Variants in CMBL observed in about 807,000 individuals in gnomAD.
CMBL encodes the protein carboxymethylenebutenolidase homolog (Pseudomonas).
In CMBL, 17 loss-of-function variants were observed where a neutral mutation model predicts 28.7. The observed-to-expected ratio is 0.59, with a 90% CI of 0.41 to 0.89. The LOEUF is 0.89. Ranked by LOEUF, CMBL falls within the 40% of genes least tolerant of loss-of-function variation. The probability of loss-of-function intolerance (pLI) is 0.00; values close to 1 mark genes in which losing one functional copy is unlikely to be tolerated. For missense variants in CMBL, 310 were observed against 298.5 expected (o/e 1.04, Z -0.28); for synonymous variants, 106 against 101.6 (o/e 1.04, Z -0.26).
rs1399959353 is a variant in CMBL at position 10,278,089 on chromosome 5, G to A, written c.*2364C>T. On this transcript the variant is annotated 3_prime_UTR_variant, in exon 6 of 6. Transcript: ENST00000296658. Reference sequence around the variant, plus strand: ...TAAGTGTCCACAGTAGACCAGCCCTGCTCAGGCTTGGATTCTCTCAACATT... The same window carrying A: ...TAAGTGTCCACAGTAGACCAGCCCTACTCAGGCTTGGATTCTCTCAACATT... Among the ~76,000 whole-genome samples the A allele has an allele frequency of 6.6e-6, 1 of 152,128 alleles. No individual in the cohort carries two copies. The highest frequency in any genetic ancestry group is 1.9e-4 in the East Asian group (1 of 5,178).
At chr5:10,281,331 C>G (rs1193825843) in intron 5 of CMBL, among the ~76,000 whole-genome samples, 1 of 152,182 alleles carries the variant, frequency 6.6e-6, no homozygotes, top group African/African-American at 2.4e-5. Flanking sequence ...AATCTTCCTG[C>G]CTCAGGCTCC....
At position 10,280,628 on chromosome 5, in the gene CMBL, G is replaced by A. The variant is rs149368002; in HGVS notation, c.563C>T (p.Ser188Phe). 69 of 1,597,050 alleles carry A rather than the reference G, an allele frequency of 4.3e-5. No homozygotes were observed. Among genetic ancestry groups the A allele is most frequent in the Non-Finnish European group, 5.6e-5 (65 of 1,166,070 alleles). ...TTCTTTCAACTTCTGAGTCAGCAAA[G>A]ATACCTGGTGTGCAAAAGATTTCAT... is the stretch of plus-strand genomic sequence containing the variant. ...NDVVIPLKDV[S>F]LLTQKLKEHC... is the part of the protein sequence containing the mutation. Residue 188 changes from serine (S) to phenylalanine (F), a missense_variant, in exon 6 of 6, where the codon TCT becomes TTT. By Grantham distance (155) the Ser-to-Phe change is radical. Transcript: ENST00000296658.
At chr5:10,295,621 T>A (rs1746795967) in intron 1 of CMBL, among the ~76,000 whole-genome samples, 1 of 152,202 alleles carries the variant, frequency 6.6e-6, no homozygotes, top group African/African-American at 2.4e-5. Context: ...GTGCCTTATA[T>A]AAGGGGCCCA....
rs906760878 is a variant in CMBL, at chr5:10,289,512, G to A, written c.216-983C>T. Among the ~76,000 whole-genome samples the A allele has an allele frequency of 3.3e-5, 5 of 152,168 alleles. No homozygotes were observed. The highest frequency in any genetic ancestry group is 9.7e-5 in the African/African-American group (4 of 41,426). ...CAGTGATCTGGGGCAGCCGCAAAGC[G>A]CTCTCTTTATGGCCTGGTTTCCTAA... On this transcript the variant is annotated intron_variant, in intron 2 of 5. Transcript: ENST00000296658. This position sits in a 1 kb window ranked among gnomAD's most constrained non-coding sequence, Gnocchi z 4.3.
chr5:10,288,894 G>A (rs1746654689), intron 2 of CMBL, among the ~76,000 whole-genome samples: 1 of 152,210 alleles, frequency 6.6e-6, no homozygotes, highest in African/African-American at 2.4e-5. Flanking sequence ...GCCAGCCTGG[G>A]GAGACTCCTG....
chr5:10,283,438 A>G lies in CMBL; in HGVS notation c.467-1150T>C, dbSNP rs564461493. Among the ~76,000 whole-genome samples, 15 of 152,054 alleles carry G rather than the reference A, an allele frequency of 9.9e-5. No individual in the cohort carries two copies. The East Asian group carries it at 2.9e-3, about 29-fold the overall frequency. ...ACTCGCACCAGACCACGAGTGTGGA[A>G]GTGTGGAAGTGTGAAACTGCCTGGG... On this transcript the variant is annotated intron_variant, in intron 4 of 5. Transcript: ENST00000296658.
At chr5:10,290,214 T>A (rs1746682470) in intron 2 of CMBL, among the ~76,000 whole-genome samples, 1 of 152,118 alleles carries the variant, frequency 6.6e-6, no homozygotes, top group Admixed American at 6.5e-5. Flanking sequence ...GAGTCACGGG[T>A]CCATTTGACA....
intron 2 of CMBL, 178 bp downstream of exon 2, chr5:10,290,370 G>A (rs1746686369): frequency 6.5e-6 from 4 of 613,644 alleles, no homozygotes; most frequent in Non-Finnish European, 1.1e-5. Context: ...AGCACCAGGT[G>A]GGTGTTTAAT....
At position 10,280,541 on chromosome 5, in the gene CMBL, C is replaced by T. The variant is rs147855838; in HGVS notation, c.650G>A (p.Arg217Gln). 74 of 1,613,860 alleles carry T rather than the reference C, an allele frequency of 4.6e-5. No individual in the cohort carries two copies. In the Middle Eastern group the frequency reaches 6.6e-4, roughly 14 times the overall value. Residue 217 changes from arginine (R) to glutamine (Q), a missense_variant, in exon 6 of 6, where the codon CGG (arginine) becomes CAG (glutamine). Coordinates refer to ENST00000296658, the MANE Select transcript of CMBL (RefSeq NM_138809.4). ...FSGQTHGFVHRKREDCSPADK... is the reference protein window; with the variant it reads ...FSGQTHGFVHQKREDCSPADK... Reference sequence around the variant, plus strand: ...TGCAGGTGAGCAATCTTCTCTCTTCCGATGCACGAACCCATGAGTCTGCCC... The same window carrying T: ...TGCAGGTGAGCAATCTTCTCTCTTCTGATGCACGAACCCATGAGTCTGCCC...
At position 10,290,626 on chromosome 5, in the gene CMBL, A is replaced by G. The variant is rs1485250555; in HGVS notation, c.137T>C (p.Ile46Thr). ...CCAGCCAAATATATCTTGAATGACA[A>G]TCACAGCTTTGCCTGCATCAACGGG... is the stretch of plus-strand genomic sequence containing the variant. ...KSPVDAGKAV[I>T]VIQDIFGWQL... is the part of the protein sequence containing the mutation. The change falls in exon 2 of 6, where the codon ATT becomes ACT. Residue 46 changes from isoleucine to threonine, a missense_variant. Coordinates refer to ENST00000296658, the MANE Select transcript of CMBL (RefSeq NM_138809.4). 4 of 1,614,228 alleles carry G rather than the reference A, an allele frequency of 2.5e-6. No individual in the cohort carries two copies. The highest frequency in any genetic ancestry group is 1.7e-5 in the Admixed American group (1 of 60,024).
intron 1 of CMBL, among the ~76,000 whole-genome samples, chr5:10,294,890 A>C (rs1354837375): frequency 6.6e-6 from 1 of 152,184 alleles, no homozygotes; most frequent in African/African-American, 2.4e-5. Context: ...AGCTGGTTTG[A>C]GGAGATAAGG....
At chr5:10,295,472 GAC>G (rs1746793637) in intron 1 of CMBL, among the ~76,000 whole-genome samples, 3 of 152,202 alleles carry the variant, frequency 2.0e-5, no homozygotes, top group South Asian at 4.1e-4. Flanking sequence ...CCCAGCTGAG[GAC>G]ACACAGGGTG....
chr5:10,285,389 G>A (rs1256108249), intron 4 of CMBL, among the ~76,000 whole-genome samples: 1 of 151,840 alleles, frequency 6.6e-6, no homozygotes, highest in African/African-American at 2.4e-5. Flanking sequence ...GGCTGGTCTC[G>A]AACTATTGAC....
chr5:10,288,341 A>G, intron 3 of CMBL, 81 bp downstream of exon 3: 2 of 931,964 alleles, frequency 2.1e-6, no homozygotes, highest in East Asian at 2.4e-5. Flanking sequence ...GGTAAGGAGT[A>G]GTGTCTGAAA....
chr5:10,295,545 T>G (rs1320551389), intron 1 of CMBL, among the ~76,000 whole-genome samples: 2 of 152,184 alleles, frequency 1.3e-5, no homozygotes, highest in Non-Finnish European at 2.9e-5. Flanking sequence ...AGTGGAATGA[T>G]ATTTGGAGGT....
chr5:10,303,742 A>G (rs1424283653), intron 1 of CMBL, among the ~76,000 whole-genome samples: 2 of 152,158 alleles, frequency 1.3e-5, no homozygotes, highest in Non-Finnish European at 2.9e-5. Context: ...ACCTCTCATT[A>G]TCCGCTCCTG....
chr5:10,280,507 G>C lies in CMBL; in HGVS notation c.684C>G (p.Pro228=). 1 of 1,613,614 alleles carries C rather than the reference G, an allele frequency of 6.2e-7. No individual in the cohort carries two copies. Residue 228 remains proline, a synonymous_variant, in exon 6 of 6, where the codon CCC becomes CCG. Transcript: ENST00000296658. ...KREDCSPADK[P]YIDEARRNLI... ...AATTCCTTCTGGCCTCGTCAATGTA[G>C]GGCTTGTCTGCAGGTGAGCAATCTT...
intron 4 of CMBL, among the ~76,000 whole-genome samples, chr5:10,282,614 C>A (rs895141103): frequency 1.3e-5 from 2 of 151,808 alleles, no homozygotes; most frequent in Non-Finnish European, 2.9e-5. Context: ...AAAACCCTGT[C>A]TCTACAAAAA....
At chr5:10,283,273 T>G (rs1746534180) in intron 4 of CMBL, among the ~76,000 whole-genome samples, 1 of 152,176 alleles carries the variant, frequency 6.6e-6, no homozygotes, top group South Asian at 2.1e-4. Flanking sequence ...CGCTGGGATG[T>G]ACCTTCGTTT....
Sources: gnomAD v4.1 joint callset for allele counts (sites outside exome capture counted in the v4.1 genomes callset) on GRCh38, gnomAD v4.1.1 for gene constraint, Gnocchi (gnomAD v3.1) non-coding constraint, MANE v1.5 for transcripts, NCBI Gene and HGNC (gene_info 2026-07-23, HGNC 2026-07-21) for gene names.